The following DNM3 variants were observed in gnomAD, a reference collection of about 807,000 sequenced individuals.
The protein encoded by DNM3 is dynamin 3.
DNM3 carries 47 observed loss-of-function variants against 101.6 expected under a neutral mutation model. The observed-to-expected ratio is 0.46, with a 90% confidence interval of 0.37 to 0.59. The LOEUF is 0.59. DNM3 is among the 20% of genes least tolerant of loss of function. The pLI, the probability that DNM3 is intolerant of heterozygous loss-of-function variation, is 0.00. For synonymous variants in DNM3, 385 were observed against 387.9 expected (o/e 0.99, Z 0.09); for missense variants, 849 against 1,085.7 (o/e 0.78, Z 3.06).
intron 14 of DNM3, among the ~76,000 whole-genome samples, chr1:172,245,785 CT>C (rs879784489): frequency 6.6e-6 from 1 of 152,162 alleles, no homozygotes; most frequent in African/African-American, 2.4e-5. Context: ...GAGGATAAGG[CT>C]GCCAGGTGGA....
intron 2 of DNM3, among the ~76,000 whole-genome samples, chr1:171,985,702 A>G (rs913296561): frequency 2.0e-5 from 3 of 152,246 alleles, no homozygotes; most frequent in Non-Finnish European, 4.4e-5. Flanking sequence ...TCTGATTCTC[A>G]TTCTAACATC....
intron 17 of DNM3, among the ~76,000 whole-genome samples, chr1:172,367,080 A>C (rs1348803186): frequency 6.6e-6 from 1 of 151,926 alleles, no homozygotes; most frequent in African/African-American, 2.4e-5. Context: ...AGTCAAAGAC[A>C]AAGAATTCCA....
chr1:171,992,651 C>T (rs1200208360), intron 4 of DNM3, among the ~76,000 whole-genome samples: 2 of 151,896 alleles, frequency 1.3e-5, no homozygotes, highest in African/African-American at 4.8e-5. Context: ...ACCTACTTGC[C>T]CCCAGTTTTT....
At chr1:172,238,930 A>T (rs1410783213) in intron 14 of DNM3, among the ~76,000 whole-genome samples, 1 of 152,152 alleles carries the variant, frequency 6.6e-6, no homozygotes. Context: ...AAGGCAAATG[A>T]TTCTCTAATT....
At chr1:172,254,752 G>A (rs2062331725) in intron 15 of DNM3, among the ~76,000 whole-genome samples, 1 of 152,072 alleles carries the variant, frequency 6.6e-6, no homozygotes, top group Non-Finnish European at 1.5e-5. Flanking sequence ...AAACTTAGCA[G>A]TAAAGTTAAA....
intron 4 of DNM3, among the ~76,000 whole-genome samples, chr1:172,001,467 A>G (rs374953086): frequency 3.2e-4 from 48 of 152,132 alleles, no homozygotes; most frequent in African/African-American, 1.1e-3. Flanking sequence ...CATGAAGACT[A>G]TAACTGTGCC....
At chr1:172,089,090 A>G (rs557045472) in intron 12 of DNM3, among the ~76,000 whole-genome samples, 4 of 152,406 alleles carry the variant, frequency 2.6e-5, no homozygotes, top group Non-Finnish European at 5.9e-5. Context: ...ACGCACACAC[A>G]TATGAGAAGA....
chr1:171,861,930 G>C lies in DNM3; in HGVS notation c.161+20113G>C, dbSNP rs182337126. Among the ~76,000 whole-genome samples the C allele has an allele frequency of 2.0e-3, 304 of 152,154 alleles. 1 individual carries two copies. Among genetic ancestry groups the C allele is most frequent in the Admixed American group, 6.2e-3 (94 of 15,274 alleles). On this transcript the variant is annotated intron_variant, in intron 1 of 20. Coordinates refer to ENST00000627582, the MANE Select transcript of DNM3 (RefSeq NM_015569.5). The stretch of plus-strand genomic sequence containing the variant: ...TAACCCAATTAAAAATTAGGCAGAA[G>C]ACTTGATTTTCTAAAGAATGTATAA...
At chr1:171,900,122 C>T (rs933474883) in intron 1 of DNM3, among the ~76,000 whole-genome samples, 7 of 152,146 alleles carry the variant, frequency 4.6e-5, no homozygotes, top group African/African-American at 1.7e-4. Context: ...TCAAGGACAA[C>T]CCCCAGATTT....
intron 14 of DNM3, among the ~76,000 whole-genome samples, chr1:172,201,575 T>A (rs2060154020): frequency 6.6e-6 from 1 of 152,156 alleles, no homozygotes; most frequent in Admixed American, 6.6e-5. Context: ...CAGTGGGGGA[T>A]GTGTGGGACC....
chr1:172,320,958 A>G (rs1034434638), intron 16 of DNM3, among the ~76,000 whole-genome samples: 7 of 152,226 alleles, frequency 4.6e-5, no homozygotes, highest in Admixed American at 2.0e-4. Context: ...AGCTGTATAT[A>G]TAAGTGGTCT....
chr1:171,873,000 T>C (rs1443754793), intron 1 of DNM3, among the ~76,000 whole-genome samples: 1 of 152,214 alleles, frequency 6.6e-6, no homozygotes. Flanking sequence ...TAATTACTCC[T>C]GGGGGTCTGA....
chr1:172,041,972 A>G, intron 7 of DNM3, 37 bp from the exon 8 acceptor site: 1 of 1,548,964 alleles, frequency 6.5e-7, no homozygotes, highest in South Asian at 1.2e-5. Context: ...AAGGCTTGTA[A>G]CTTTGACTTG....
chr1:172,022,533 T>C (rs1011497602), intron 4 of DNM3, among the ~76,000 whole-genome samples: 2 of 152,100 alleles, frequency 1.3e-5, no homozygotes, highest in African/African-American at 4.8e-5. Context: ...AAAATACTTC[T>C]ATAATCAACT....
chr1:172,365,388 A>G (rs1027492637), intron 17 of DNM3, among the ~76,000 whole-genome samples: 4 of 151,958 alleles, frequency 2.6e-5, no homozygotes, highest in African/African-American at 9.7e-5. Context: ...TATTCTATCT[A>G]CTTTTACATA....
At chr1:172,162,037 G>T (rs1357274939) in intron 14 of DNM3, among the ~76,000 whole-genome samples, 1 of 152,022 alleles carries the variant, frequency 6.6e-6, no homozygotes, top group African/African-American at 2.4e-5. Flanking sequence ...AAAGAGCTTT[G>T]TCTGACATTT....
At chr1:172,218,902 G>C (rs650122) in intron 14 of DNM3, among the ~76,000 whole-genome samples, 3,231 of 152,154 alleles carry the variant, frequency 0.021, 118 homozygotes, top group African/African-American at 0.073. Context: ...GGGTTGGAGC[G>C]GGAGACTTGC....
At chr1:172,082,454 G>C (rs1203119853) in intron 12 of DNM3, among the ~76,000 whole-genome samples, 1 of 151,804 alleles carries the variant, frequency 6.6e-6, no homozygotes. Flanking sequence ...GTTATGGTTA[G>C]TTACTCAGGA....
At chr1:171,988,668 A>G (rs1045498760) in intron 3 of DNM3, among the ~76,000 whole-genome samples, 5 of 152,204 alleles carry the variant, frequency 3.3e-5, no homozygotes, top group African/African-American at 1.2e-4. Context: ...ATAACCCCCT[A>G]GTTACAGATA....
Sources: allele counts gnomAD v4.1 joint callset (sites outside exome capture counted in the v4.1 genomes callset), GRCh38; gene constraint gnomAD v4.1.1; transcripts MANE v1.5; gene names NCBI Gene and HGNC (gene_info 2026-07-23, HGNC 2026-07-21).